The following CNTN6 variants were observed in gnomAD, a reference collection of about 807,000 sequenced individuals.
CNTN6 encodes the protein contactin 6, also known as contactin-6.
A neutral mutation model predicts 122.8 loss-of-function variants in CNTN6; 137 were observed. The observed-to-expected ratio is 1.12, with a 90% CI of 0.97 to 1.29. The LOEUF (loss-of-function observed/expected upper bound fraction) is 1.29. Among genes scored for constraint, CNTN6 ranks in the 50% most tolerant of loss-of-function variants. The pLI is 0.00. For missense variants in CNTN6, 1,634 were observed against 1,223.4 expected (o/e 1.34, Z -5.01); for synonymous variants, 570 against 426.0 (o/e 1.34, Z -4.16).
chr3:1,312,979 G>A (rs1008484456), intron 7 of CNTN6, among the ~76,000 whole-genome samples: 2 of 151,970 alleles, frequency 1.3e-5, no homozygotes, highest in African/African-American at 4.8e-5. Flanking sequence ...TATAATATGT[G>A]CTCAATTCAT....
chr3:1,236,699 C>A (rs2094426840), intron 4 of CNTN6, among the ~76,000 whole-genome samples: 1 of 152,104 alleles, frequency 6.6e-6, no homozygotes, highest in African/African-American at 2.4e-5. Context: ...AAAGATTATG[C>A]CAGCTCACCT....
chr3:1,222,324 T>C (rs1276315568), intron 3 of CNTN6, among the ~76,000 whole-genome samples: 1 of 152,176 alleles, frequency 6.6e-6, no homozygotes, highest in Non-Finnish European at 1.5e-5. Context: ...GATTAATACA[T>C]TTAGTGAGAT....
chr3:1,259,096 A>G (rs1268231015), intron 4 of CNTN6, among the ~76,000 whole-genome samples: 2 of 152,154 alleles, frequency 1.3e-5, no homozygotes, highest in East Asian at 3.8e-4. Flanking sequence ...ACTGGAGTTC[A>G]CTCAGAATAC....
intron 11 of CNTN6, among the ~76,000 whole-genome samples, chr3:1,346,402 T>A (rs562662960): frequency 6.6e-6 from 1 of 152,258 alleles, no homozygotes; most frequent in African/African-American, 2.4e-5. Flanking sequence ...ATGCCCTCCC[T>A]CTGGGTTGAG....
At chr3:1,379,331 C>G (rs1710326427) in intron 17 of CNTN6, among the ~76,000 whole-genome samples, 1 of 152,146 alleles carries the variant, frequency 6.6e-6, no homozygotes, top group South Asian at 2.1e-4. Flanking sequence ...TGTATTGATG[C>G]TTTCTTGCTG....
chr3:1,128,739 G>A (rs1355995726), intron 1 of CNTN6, among the ~76,000 whole-genome samples: 3 of 151,340 alleles, frequency 2.0e-5, no homozygotes, highest in Non-Finnish European at 2.9e-5. Flanking sequence ...TATTTACAGA[G>A]CAACATGCTT....
intron 7 of CNTN6, among the ~76,000 whole-genome samples, chr3:1,320,536 C>G (rs933751142): frequency 2.6e-5 from 4 of 151,624 alleles, no homozygotes; most frequent in African/African-American, 9.7e-5. Flanking sequence ...AGAAATTCTG[C>G]CTCTTCTTCA....
At chr3:1,380,961 T>C (rs763981728) in intron 17 of CNTN6, among the ~76,000 whole-genome samples, 2 of 152,174 alleles carry the variant, frequency 1.3e-5, no homozygotes, top group African/African-American at 2.4e-5. Flanking sequence ...TCTGGCCTTG[T>C]TAAATAACTA....
chr3:1,326,636 A>G (rs759216973), intron 9 of CNTN6, among the ~76,000 whole-genome samples: 2 of 151,866 alleles, frequency 1.3e-5, no homozygotes, highest in African/African-American at 2.4e-5. Context: ...TTTTTTACCT[A>G]TTAAATTATC....
At chr3:1,242,344 T>G (rs575213597) in intron 4 of CNTN6, among the ~76,000 whole-genome samples, 1 of 150,812 alleles carries the variant, frequency 6.6e-6, no homozygotes, top group Non-Finnish European at 1.5e-5. Flanking sequence ...GACAAAAGAG[T>G]GTAGGGGTTG....
rs892483788 is a variant in CNTN6, at chr3:1,325,725, T to C, written c.947-90T>C. 1.0e-5 allele frequency: 14 copies of C among 1,379,054 alleles called. No individual in the cohort carries two copies. The Admixed American group carries it at 1.6e-4, about 16-fold the overall frequency. The allele number at this position is 1,379,054 out of a possible 1,614,324, so 85.4% of individuals were successfully genotyped here. A position where few individuals can be genotyped will look rare whatever the true frequency, so the allele number is the denominator to read the frequency against. ...ATCCAACTGGACCCAGTTAGCCTTG[T>C]CCTTCTGATCTCTACAGCCCTTGTA... On this transcript the variant is annotated intron_variant, in intron 8 of 22. Coordinates refer to ENST00000446702, the MANE Select transcript of CNTN6 (RefSeq NM_001289080.2).
At chr3:1,133,503 A>T (rs2092392501) in intron 1 of CNTN6, among the ~76,000 whole-genome samples, 1 of 152,238 alleles carries the variant, frequency 6.6e-6, no homozygotes, top group Admixed American at 6.5e-5. Flanking sequence ...GGCACAGAAG[A>T]GTTAAGTAAC....
intron 4 of CNTN6, among the ~76,000 whole-genome samples, chr3:1,250,054 T>G (rs2125660221): frequency 6.6e-6 from 1 of 152,314 alleles, no homozygotes; most frequent in South Asian, 2.1e-4. Flanking sequence ...ACTTTAAAAT[T>G]TATGATATTC....
intron 2 of CNTN6, among the ~76,000 whole-genome samples, chr3:1,154,085 G>T (rs1035084547): frequency 1.3e-5 from 2 of 152,176 alleles, no homozygotes; most frequent in African/African-American, 2.4e-5. Context: ...CCATTTTCAT[G>T]CAATGCTTAC....
At chr3:1,351,511 T>G (rs1437830723) in intron 11 of CNTN6, among the ~76,000 whole-genome samples, 1 of 151,202 alleles carries the variant, frequency 6.6e-6, no homozygotes, top group Admixed American at 6.6e-5. Flanking sequence ...AGTCTCCTCT[T>G]ATTACATTTG....
chr3:1,251,953 C>G (rs1392544381), intron 4 of CNTN6, among the ~76,000 whole-genome samples: 3 of 152,146 alleles, frequency 2.0e-5, no homozygotes, highest in Non-Finnish European at 4.4e-5. Flanking sequence ...GGTAATCTGG[C>G]ACTCTGACTA....
chr3:1,139,287 C>A (rs74950902), intron 1 of CNTN6, among the ~76,000 whole-genome samples: 1,879 of 152,192 alleles, frequency 0.012, 41 homozygotes, highest in African/African-American at 0.043. Flanking sequence ...TCCCTGCATT[C>A]TGTTATTGAA....
intron 2 of CNTN6, among the ~76,000 whole-genome samples, chr3:1,184,648 A>T (rs1265253802): frequency 6.6e-6 from 1 of 152,190 alleles, no homozygotes; most frequent in East Asian, 1.9e-4. Context: ...CTAGTGCACC[A>T]CCATGACATA....
In CNTN6 at chr3:1,352,362, AT is replaced by A; in HGVS notation, c.1404del (p.Asn468LysfsTer13). 6.3e-7 allele frequency: 1 copy of A among 1,579,522 alleles called. No individual in the cohort carries two copies. The highest frequency in any genetic ancestry group is 1.1e-5 in the South Asian group (1 of 87,608). On this transcript the variant is annotated frameshift_variant, in exon 12 of 23. Coordinates refer to ENST00000446702, the MANE Select transcript of CNTN6 (RefSeq NM_001289080.2). LOFTEE classifies it high-confidence loss of function. ...LLEDGSLKIY[N>X]ITRSDAGSYT... ...GAGGATGGCAGCCTCAAGATATATA[AT>A]ATTACCAGGTCAGATGCTGGATCAT...
Sources: allele counts gnomAD v4.1 joint callset (sites outside exome capture counted in the v4.1 genomes callset), GRCh38; gene constraint gnomAD v4.1.1; transcripts MANE v1.5; gene names NCBI Gene and HGNC (gene_info 2026-07-23, HGNC 2026-07-21).